The following NT5DC4 variants were observed in gnomAD, a reference collection of about 807,000 sequenced individuals.
NT5DC4 encodes 5'-nucleotidase domain-containing protein 4.
NT5DC4 carries 44 observed loss-of-function variants against 26.6 expected under a neutral mutation model. That is an observed-to-expected ratio of 1.65 (90% CI 1.30 to 2.13). The LOEUF is 2.13. NT5DC4 is among the 30% of genes most tolerant of loss of function. The probability of loss-of-function intolerance (pLI) is 0.00; values close to 1 mark genes in which losing one functional copy is unlikely to be tolerated. For synonymous variants in NT5DC4, 157 were observed against 86.7 expected (o/e 1.81, Z -4.51); for missense variants, 399 against 228.1 (o/e 1.75, Z -4.83).
chr2:112,742,849 C>A (rs564719973), downstream of NT5DC4: 359 of 886,056 alleles, frequency 4.1e-4, 1 homozygote, highest in African/African-American at 5.1e-3. Flanking sequence ...ACTTCAAATA[C>A]ATGTTTTATA....
intron 9 of NT5DC4, 90 bp downstream of exon 9, chr2:112,723,892 C>A: frequency 1.6e-6 from 1 of 621,174 alleles, no homozygotes. Flanking sequence ...AGGGGTGGGG[C>A]GGGGAGCCAA....
downstream of NT5DC4, chr2:112,742,753 C>T (rs371885912): frequency 1.2e-5 from 19 of 1,608,606 alleles, no homozygotes; most frequent in African/African-American, 4.0e-5. Context: ...AACAACTTTC[C>T]GCAACTCTTG....
At position 112,722,021 on chromosome 2, in the gene NT5DC4, G is replaced by T. The variant is rs747796860; in HGVS notation, c.184G>T (p.Glu62Ter). 1 of 717,212 alleles carries T rather than the reference G, an allele frequency of 1.4e-6. No individual in the cohort carries two copies. Among genetic ancestry groups the T allele is most frequent in the Non-Finnish European group, 2.6e-6 (1 of 385,086 alleles). 44.4% of individuals were successfully genotyped at this position (717,212 alleles called of 1,614,324 possible). A position where few individuals can be genotyped will look rare whatever the true frequency, so the allele number is the denominator to read the frequency against. Reference sequence around the variant, plus strand: ...CCCAGCTTATGAGGCCCTGACCTTCGAGCTGCTGCTGGAGCGCCTGGTGTG... The same window carrying T: ...CCCAGCTTATGAGGCCCTGACCTTCTAGCTGCTGCTGGAGCGCCTGGTGTG... ...KSPAYEALTF[E>*]LLLERLVCIG... is the part of the protein sequence containing the mutation. Residue 62 changes from glutamate to a stop codon, truncating the protein, a stop_gained, in exon 3 of 17, where the codon GAG becomes TAG. Transcript: ENST00000688554. LOFTEE classifies it high-confidence loss of function.
upstream of NT5DC4, among the ~76,000 whole-genome samples, chr2:112,719,378 G>A (rs1188174075): frequency 6.7e-6 from 1 of 149,676 alleles, no homozygotes; most frequent in Non-Finnish European, 1.5e-5. Flanking sequence ...TTTTTCTGTT[G>A]TTGTTCCAGA....
Position 112,726,995 on chromosome 2 carries a change from CA to C in NT5DC4, c.1266+259del, listed in dbSNP as rs1677832575. On this transcript the variant is annotated intron_variant, in intron 15 of 16. Coordinates refer to ENST00000688554, the MANE Select transcript of NT5DC4 (RefSeq NM_001393655.1). Reference sequence around the variant, plus strand: ...TTGCCTCCAGTCCCACAGTCTTTGCCAATCACCCTGCCCGGGAAGTGCCTGC... The same window carrying C: ...TTGCCTCCAGTCCCACAGTCTTTGCCATCACCCTGCCCGGGAAGTGCCTGC... The C allele has an allele frequency of 5.5e-6, 3 of 547,778 alleles. No individual in the cohort carries two copies. The South Asian group carries it at 6.3e-5, about 11-fold the overall frequency. The allele number at this position is 547,778 out of a possible 1,614,324, so 33.9% of individuals were successfully genotyped here.
At chr2:112,720,186 A>AT (rs1054105852), upstream of NT5DC4, among the ~76,000 whole-genome samples, 57 of 143,240 alleles carry the variant, frequency 4.0e-4, no homozygotes, top group African/African-American at 1.1e-3. Flanking sequence ...CAAGAGGCTA[A>AT]TTTTTTTTTT....
At chr2:112,741,940 GTTTTTTTTT>G (rs57634251), downstream of NT5DC4, among the ~76,000 whole-genome samples, 13 of 71,908 alleles carry the variant, frequency 1.8e-4, no homozygotes, top group African/African-American at 6.1e-4. Context: ...TTTCTTTTCT[GTTTTTTTTT>G]TTTTTTTTTT....
chr2:112,721,531 T>TA, intron 1 of NT5DC4: 1 of 717,920 alleles, frequency 1.4e-6, no homozygotes, highest in East Asian at 2.7e-5. Flanking sequence ...GTTGGATGCC[T>TA]ATAACATGCC....
chr2:112,735,335 T>C (rs1192461948), intron 16 of NT5DC4, among the ~76,000 whole-genome samples: 1 of 152,166 alleles, frequency 6.6e-6, no homozygotes, highest in Admixed American at 6.5e-5. Flanking sequence ...TGAGCCACCA[T>C]GCCCAGCCTC....
chr2:112,721,801 C>T lies in NT5DC4; in HGVS notation c.75-17C>T, dbSNP rs1428753226. ...GGGCTGGTGGACTGATGCCAACATC[C>T]TCCTCTCTCTCCCCAGGATTTTTGT... On this transcript the variant is annotated splice_polypyrimidine_tract_variant and intron_variant, in intron 1 of 16. Coordinates refer to ENST00000688554, the MANE Select transcript of NT5DC4 (RefSeq NM_001393655.1). 1 of 717,234 alleles carries T rather than the reference C, an allele frequency of 1.4e-6. No homozygotes were observed. Among genetic ancestry groups the T allele is most frequent in the East Asian group, 2.7e-5 (1 of 37,294 alleles). The allele number at this position is 717,234 out of a possible 1,614,324, so 44.4% of individuals were successfully genotyped here.
At chr2:112,735,382 G>A (rs779368492) in intron 16 of NT5DC4, among the ~76,000 whole-genome samples, 29 of 152,090 alleles carry the variant, frequency 1.9e-4, no homozygotes, top group Non-Finnish European at 3.1e-4. Context: ...AGACTCAGCC[G>A]AGTGCCTGGC....
chr2:112,731,810 G>A (rs1023304030), intron 16 of NT5DC4: 1 of 151,924 alleles, frequency 6.6e-6, no homozygotes, highest in African/African-American at 2.4e-5. Context: ...GAAGGAACAG[G>A]TCTGAGGACA....
rs549140392 is a variant in NT5DC4, at chr2:112,722,653, G to C, written c.470-61G>C. The stretch of plus-strand genomic sequence containing the variant: ...TTCCGGAGCTGAGGGTCCCAGCTCT[G>C]TCCTGGTGGAGAACTGTCTGGCTCC... On this transcript the variant is annotated intron_variant, in intron 5 of 16. Coordinates refer to ENST00000688554, the MANE Select transcript of NT5DC4 (RefSeq NM_001393655.1). 2.0e-5 allele frequency: 14 copies of C among 717,502 alleles called. No individual in the cohort carries two copies. The East Asian group carries it at 3.5e-4, about 18-fold the overall frequency. The allele number at this position is 717,502 out of a possible 1,614,324, so 44.4% of individuals were successfully genotyped here.
intron 9 of NT5DC4, 98 bp from the exon 10 acceptor site, chr2:112,723,996 G>T: frequency 1.4e-6 from 1 of 710,626 alleles, no homozygotes. Flanking sequence ...TCACCATCTT[G>T]CTCCTGTGGC....
At chr2:112,728,652 G>T (rs898608774) in intron 15 of NT5DC4, among the ~76,000 whole-genome samples, 1 of 152,164 alleles carries the variant, frequency 6.6e-6, no homozygotes, top group Non-Finnish European at 1.5e-5. Flanking sequence ...GTTTGAGAGG[G>T]GAAAACCATT....
chr2:112,732,186 C>T (rs1315629520), intron 16 of NT5DC4, among the ~76,000 whole-genome samples: 1 of 151,012 alleles, frequency 6.6e-6, no homozygotes, highest in Non-Finnish European at 1.5e-5. Flanking sequence ...GTAGGGATTA[C>T]AGGCGAGAGC....
rs970760552 is a variant in NT5DC4 at position 112,726,695 on chromosome 2, G to T, written c.1223G>T (p.Ser408Ile). The T allele has an allele frequency of 1.1e-5, 8 of 717,432 alleles. No individual in the cohort carries two copies. In the African/African-American group the frequency reaches 1.2e-4, roughly 11 times the overall value. The allele number at this position is 717,432 out of a possible 1,614,324, so 44.4% of individuals were successfully genotyped here. The stretch of plus-strand genomic sequence containing the variant: ...TGTACCAGGCACATGGATGGGAGCA[G>T]TTGTGAGCTGCAAGTCATCAACTTC... Reference protein sequence around the residue: ...ADIYQHMDGSSCELQVINFTK... With the variant: ...ADIYQHMDGSICELQVINFTK... The change falls in exon 15 of 17, where the codon AGT (serine) becomes ATT (isoleucine). Residue 408 changes from serine (S) to isoleucine (I), a missense_variant. By Grantham distance (142) the Ser-to-Ile change is moderately radical. Coordinates refer to ENST00000688554, the MANE Select transcript of NT5DC4 (RefSeq NM_001393655.1).
chr2:112,742,282 T>C (rs1680028945), downstream of NT5DC4: 3 of 682,308 alleles, frequency 4.4e-6, no homozygotes, highest in East Asian at 2.7e-5. Context: ...CCACTGACAG[T>C]GATGGTCATC....
At position 112,726,400 on chromosome 2, in the gene NT5DC4, A is replaced by G. The variant is rs1026129646; in HGVS notation, c.1205+111A>G. Reference sequence around the variant, plus strand: ...TCCCGGCCAAGGTTGTCAGAACATCAAGATCTGTTTCAGGCTGGGCTTCCC... The same window carrying G: ...TCCCGGCCAAGGTTGTCAGAACATCGAGATCTGTTTCAGGCTGGGCTTCCC... On this transcript the variant is annotated intron_variant, in intron 14 of 16. Coordinates refer to ENST00000688554, the MANE Select transcript of NT5DC4 (RefSeq NM_001393655.1). 45 of 695,886 alleles carry G rather than the reference A, an allele frequency of 6.5e-5. 1 individual carries two copies. Among genetic ancestry groups the G allele is most frequent in the Middle Eastern group, 2.8e-4 (1 of 3,598 alleles). 43.1% of individuals were successfully genotyped at this position (695,886 alleles called of 1,614,324 possible).
Sources: gnomAD v4.1 joint callset for allele counts (sites outside exome capture counted in the v4.1 genomes callset) on GRCh38, gnomAD v4.1.1 for gene constraint, MANE v1.5 for transcripts, NCBI Gene and HGNC (gene_info 2026-07-23, HGNC 2026-07-21) for gene names.